ITPRID1: variants seen among roughly 807,000 people sequenced by gnomAD.
ITPRID1 encodes the protein ITPR interacting domain containing 1, also known as protein ITPRID1.
Under a neutral mutation model 95.4 loss-of-function variants are expected in ITPRID1, and 96 were observed. The observed-to-expected ratio is 1.01, with a 90% confidence interval of 0.85 to 1.19. The LOEUF is 1.19. ITPRID1 is among the 50% of genes most tolerant of loss of function. The pLI is 0.00. For synonymous variants in ITPRID1, 510 were observed against 453.6 expected, an observed-to-expected ratio of 1.12 and a Z score of -1.58; for missense variants, 1,339 against 1,252.9, an observed-to-expected ratio of 1.07 and a Z score of -1.04.
chr7:31,554,424 C>A, intron 3 of ITPRID1, 51 bp from the exon 4 acceptor site: 1 of 1,593,440 alleles, frequency 6.3e-7, no homozygotes, highest in East Asian at 2.3e-5. Flanking sequence ...GGGTAGCATC[C>A]TTTTAGCTGG....
chr7:31,555,056 A>C (rs946462728), intron 5 of ITPRID1, 155 bp downstream of exon 5: 1 of 610,448 alleles, frequency 1.6e-6, no homozygotes, highest in Admixed American at 3.0e-5. Flanking sequence ...CATTTGACAT[A>C]TGACTGCGAC....
chr7:31,582,164 C>T (rs987713603), intron 9 of ITPRID1, among the ~76,000 whole-genome samples: 4 of 152,040 alleles, frequency 2.6e-5, no homozygotes, highest in Non-Finnish European at 4.4e-5. Flanking sequence ...TTTCTAATTG[C>T]AAAATTTAGA....
At chr7:31,622,141 C>T (rs1346495080) in intron 10 of ITPRID1, among the ~76,000 whole-genome samples, 1 of 136,226 alleles carries the variant, frequency 7.3e-6, no homozygotes, top group African/African-American at 2.8e-5. Context: ...CTTAGACTCC[C>T]ACACATTAAT....
chr7:31,542,900 A>C (rs1052832161), intron 1 of ITPRID1, among the ~76,000 whole-genome samples: 2 of 152,170 alleles, frequency 1.3e-5, no homozygotes, highest in African/African-American at 4.8e-5. Flanking sequence ...GAAAGGTCCC[A>C]CAGCTTTTAC....
intron 1 of ITPRID1, among the ~76,000 whole-genome samples, chr7:31,524,415 A>T (rs1222195459): frequency 6.6e-6 from 1 of 152,216 alleles, no homozygotes; most frequent in African/African-American, 2.4e-5. Context: ...TTTATATCTC[A>T]GTTACAGCAA....
intron 5 of ITPRID1, among the ~76,000 whole-genome samples, chr7:31,568,934 C>T (rs1234152678): frequency 6.6e-6 from 1 of 152,204 alleles, no homozygotes; most frequent in African/African-American, 2.4e-5. Context: ...TTTAATCTCT[C>T]TCAGCCTCAG....
chr7:31,578,583 T>C, intron 9 of ITPRID1, 149 bp downstream of exon 9: 1 of 592,580 alleles, frequency 1.7e-6, no homozygotes, highest in Non-Finnish European at 2.8e-6. Context: ...TTTAAAGTCA[T>C]TCTAGTTGCT....
intron 7 of ITPRID1, among the ~76,000 whole-genome samples, chr7:31,572,704 T>C (rs1785033813): frequency 6.6e-6 from 1 of 152,140 alleles, no homozygotes; most frequent in Admixed American, 6.6e-5. Context: ...ATTAAAAATT[T>C]TTTAACAAAG....
chr7:31,568,543 A>G (rs1784876899), intron 5 of ITPRID1, among the ~76,000 whole-genome samples: 1 of 152,210 alleles, frequency 6.6e-6, no homozygotes, highest in Non-Finnish European at 1.5e-5. Context: ...AGCGGAAATA[A>G]GAACACTGGT....
At chr7:31,602,209 T>C (rs1255154828) in intron 10 of ITPRID1, among the ~76,000 whole-genome samples, 1 of 152,156 alleles carries the variant, frequency 6.6e-6, no homozygotes, top group Non-Finnish European at 1.5e-5. Context: ...AATAAGTAAT[T>C]GTACTGGGGA....
At chr7:31,627,930 T>A (rs1327431310) in intron 10 of ITPRID1, among the ~76,000 whole-genome samples, 3 of 152,196 alleles carry the variant, frequency 2.0e-5, no homozygotes, top group Non-Finnish European at 1.5e-5. Context: ...CCAAAAGGGT[T>A]TAACTGAAGA....
intron 10 of ITPRID1, among the ~76,000 whole-genome samples, chr7:31,637,688 C>T (rs1003495187): frequency 6.6e-6 from 1 of 152,150 alleles, no homozygotes; most frequent in South Asian, 2.1e-4. Context: ...CTGTAGGTTG[C>T]TTGTTCACTC....
At chr7:31,628,318 A>G (rs1788664804) in intron 10 of ITPRID1, among the ~76,000 whole-genome samples, 1 of 152,158 alleles carries the variant, frequency 6.6e-6, no homozygotes, top group Non-Finnish European at 1.5e-5. Flanking sequence ...AACAGGGGCA[A>G]GGAAGGACAA....
intron 1 of ITPRID1, among the ~76,000 whole-genome samples, chr7:31,547,560 C>T (rs954979059): frequency 2.0e-5 from 3 of 152,138 alleles, no homozygotes; most frequent in East Asian, 1.9e-4. Flanking sequence ...AACCTCCTAC[C>T]GGGTCCTTCC....
At chr7:31,640,642 C>G (rs201080228) in intron 10 of ITPRID1, among the ~76,000 whole-genome samples, 1 of 147,208 alleles carries the variant, frequency 6.8e-6, no homozygotes, top group African/African-American at 2.5e-5. Context: ...TCTCGAAAAA[C>G]TTTTTTTTTT....
intron 1 of ITPRID1, among the ~76,000 whole-genome samples, chr7:31,521,287 C>G (rs1783241553): frequency 6.6e-6 from 1 of 152,034 alleles, no homozygotes; most frequent in African/African-American, 2.4e-5. Context: ...GCATTAAGTT[C>G]AAAATATTTT....
chr7:31,578,145 G>C lies in ITPRID1; in HGVS notation c.881G>C (p.Gly294Ala), dbSNP rs371421598. The C allele has an allele frequency of 6.2e-7, 1 of 1,613,730 alleles. No individual in the cohort carries two copies. The highest frequency in any genetic ancestry group is 8.5e-7 in the Non-Finnish European group (1 of 1,179,816). ...FVPFTKPWDC[G>A]AELAATSINH... ...CCCTTTACAAAACCATGGGATTGTG[G>C]AGCAGAGCTAGCAGCAACCTCAATC... Residue 294 changes from glycine to alanine, a missense_variant, in exon 9 of 15, where the codon GGA becomes GCA. Gly to Ala is a moderately conservative substitution (Grantham distance 60). Transcript: ENST00000615280.
chr7:31,655,340 C>T lies in ITPRID1; in HGVS notation c.*2511C>T, dbSNP rs1445033762. ...ACCACACCAATGCTGAGTCTACTGC[C>T]ACAAAATACCTCCCAGAAGTTTCCT... On this transcript the variant is annotated 3_prime_UTR_variant, in exon 15 of 15. Transcript: ENST00000615280. 6.6e-6 allele frequency among the ~76,000 whole-genome samples: 1 copy of T among 152,144 alleles called. No homozygotes were observed. The highest frequency in any genetic ancestry group is 1.5e-5 in the Non-Finnish European group (1 of 68,030).
At chr7:31,606,379 T>C (rs1036746917) in intron 10 of ITPRID1, among the ~76,000 whole-genome samples, 4 of 152,252 alleles carry the variant, frequency 2.6e-5, no homozygotes, top group Non-Finnish European at 5.9e-5. Flanking sequence ...AGGGGCTGTA[T>C]TTATATCTAT....
Sources: gnomAD v4.1 joint callset for allele counts (sites outside exome capture counted in the v4.1 genomes callset) on GRCh38, gnomAD v4.1.1 for gene constraint, MANE v1.5 for transcripts, NCBI Gene and HGNC (gene_info 2026-07-23, HGNC 2026-07-21) for gene names.